Variants in PLEC observed in about 807,000 individuals in gnomAD.
PLEC encodes the protein hemidesmosomal protein 1.
In PLEC, 216 loss-of-function variants were observed where a neutral mutation model predicts 392.8. The ratio of observed to expected loss-of-function variants is 0.55; its 90% CI spans 0.49 to 0.62. PLEC has a LOEUF of 0.62. PLEC is among the 20% of genes least tolerant of loss of function. The pLI is 0.00. For missense variants in PLEC, 6,863 were observed against 6,563.4 expected, an observed-to-expected ratio of 1.05 and a Z score of -1.58; for synonymous variants, 3,621 against 2,980.6, an observed-to-expected ratio of 1.21 and a Z score of -7.00.
chr8:143,944,664 CG>C, intron 1 of PLEC: 1 of 1,340,700 alleles, frequency 7.5e-7, no homozygotes, highest in Non-Finnish European at 9.6e-7. Flanking sequence ...CGATCTTCAT[CG>C]GGGACGGTGG....
chr8:143,943,998 G>A (rs1831013941), upstream of PLEC: 2 of 1,516,316 alleles, frequency 1.3e-6, no homozygotes, highest in African/African-American at 1.4e-5. Context: ...GGAGCGCCGG[G>A]ACCGGAGCCT....
chr8:143,967,036 T>C (rs1554742464), intron 1 of PLEC, among the ~76,000 whole-genome samples: 5 of 151,754 alleles, frequency 3.3e-5, no homozygotes, highest in Non-Finnish European at 7.4e-5. Flanking sequence ...AAAAGACTGG[T>C]GAGTGTTAAA....
chr8:143,965,458 C>A (rs1833043811), intron 1 of PLEC, among the ~76,000 whole-genome samples: 1 of 101,112 alleles, frequency 9.9e-6, no homozygotes, highest in East Asian at 2.3e-4. Flanking sequence ...CCGGCCCATG[C>A]CCCATTTTGG....
Position 143,920,220 on chromosome 8 carries a change from G to A in PLEC, c.9601C>T (p.Pro3201Ser), listed in dbSNP as rs1554681065. ...TYGELQQRCR[P>S]DQLTGLSLLP... ...AGGCTCAGCCCGGTCAGCTGGTCGG[G>A]CCGGCACCGCTGCTGGAGCTCGCCG... The change falls in exon 32 of 32, where the codon CCC becomes TCC. Residue 3201 changes from proline to serine, a missense_variant. Physicochemically the swap from Pro to Ser is moderately conservative, Grantham distance 74 (BLOSUM62 -1). Transcript: ENST00000345136. The A allele has an allele frequency of 2.5e-6, 4 of 1,606,012 alleles. No homozygotes were observed. The highest frequency in any genetic ancestry group is 3.4e-6 in the Non-Finnish European group (4 of 1,179,194).
intron 1 of PLEC, among the ~76,000 whole-genome samples, chr8:143,968,254 A>G (rs1833217971): frequency 6.6e-6 from 1 of 152,132 alleles, no homozygotes; most frequent in African/African-American, 2.4e-5. Flanking sequence ...AAGATAGATA[A>G]ACTGGAGTCA....
chr8:143,922,291 C>T lies in PLEC; in HGVS notation c.7530G>A (p.Glu2510=), dbSNP rs1554689231. ...GCTGCTCCAGCTTGGCCTTCTCCTG[C>T]TCGATGAAGCGCTCCCGCTGTAGCA... ...DSLLQRERFI[E]QEKAKLEQLF... The change falls in exon 32 of 32, where the codon GAG becomes GAA. Residue 2510 remains glutamate, a synonymous_variant. Transcript: ENST00000345136. 1 of 1,607,012 alleles carries T rather than the reference C, an allele frequency of 6.2e-7. No individual in the cohort carries two copies. Among genetic ancestry groups the T allele is most frequent in the Non-Finnish European group, 8.5e-7 (1 of 1,179,536 alleles).
chr8:143,974,733 C>T (rs1833597717), upstream of PLEC, among the ~76,000 whole-genome samples: 1 of 152,244 alleles, frequency 6.6e-6, no homozygotes, highest in Admixed American at 6.5e-5. The surrounding 1 kb of genome is among the most constrained non-coding windows in gnomAD (Gnocchi z 5.9). Flanking sequence ...TGCTTCCCAT[C>T]GTTCTCCCTG....
chr8:143,921,346 G>C lies in PLEC; in HGVS notation c.8475C>G (p.Pro2825=), dbSNP rs374602421. 1.2e-6 allele frequency: 2 copies of C among 1,613,712 alleles called. No individual in the cohort carries two copies. Among genetic ancestry groups the C allele is most frequent in the South Asian group, 2.2e-5 (2 of 91,070 alleles). ...VIDPVHSHRV[P]VDVAYRRGYF... The stretch of plus-strand genomic sequence containing the variant: ...AGCCGCGCCGGTAGGCCACGTCCAC[G>C]GGCACGCGGTGGCTGTGCACGGGGT... Residue 2825 remains proline (P), a synonymous_variant, in exon 32 of 32, where the codon CCC becomes CCG. Transcript: ENST00000345136.
In PLEC at chr8:143,932,430, G is replaced by A. The variant is rs1287283415; in HGVS notation, c.1947C>T (p.Thr649=). ...EVGFDWSDRN[T]NMTAKKESYS... ...AGCTCTCCTTCTTGGCGGTCATGTT[G>A]GTGTTGCGGTCGCTCCAGTCGAAGC... The change falls in exon 16 of 32, where the codon ACC becomes ACT. Residue 649 remains threonine (T), a synonymous_variant. Coordinates refer to ENST00000345136, the MANE Select transcript of PLEC (RefSeq NM_201384.3). 4 of 1,612,756 alleles carry A rather than the reference G, an allele frequency of 2.5e-6. No homozygotes were observed. The South Asian group carries it at 3.3e-5, about 13-fold the overall frequency.
chr8:143,937,060 C>T lies in PLEC; in HGVS notation c.354G>A (p.Val118=). The T allele has an allele frequency of 1.2e-6, 2 of 1,612,932 alleles. No homozygotes were observed. The highest frequency in any genetic ancestry group is 1.7e-6 in the Non-Finnish European group (2 of 1,179,698). ...DYLRHRQVKL[V]NIRNDDIADG... Reference sequence around the variant, plus strand: ...CAGCGATGTCATCATTCCTGATGTTCACCAGCTTCACCTGTGAGCGAGGGG... The same window carrying T: ...CAGCGATGTCATCATTCCTGATGTTTACCAGCTTCACCTGTGAGCGAGGGG... The change falls in exon 5 of 32, where the codon GTG becomes GTA. Residue 118 remains valine (V), a synonymous_variant. Transcript: ENST00000345136.
At chr8:143,940,656 C>T (rs982465286), upstream of PLEC, among the ~76,000 whole-genome samples, 6 of 152,212 alleles carry the variant, frequency 3.9e-5, no homozygotes, top group East Asian at 1.9e-4. Context: ...ATGTTCCAGC[C>T]GCACATCAGG....
At position 143,922,445 on chromosome 8, in the gene PLEC, T is replaced by C. The variant is rs782647414; in HGVS notation, c.7426-50A>G. 4.4e-6 allele frequency: 7 copies of C among 1,600,666 alleles called. No homozygotes were observed. The Admixed American group carries it at 1.2e-4, about 27-fold the overall frequency. On this transcript the variant is annotated intron_variant, in intron 31 of 31. Coordinates refer to ENST00000345136, the MANE Select transcript of PLEC (RefSeq NM_201384.3). ...GGGACCGCCAGCCCAGGAGCACCCA[T>C]CACCCACCAAAGCAGATCCCCGGGC...
intron 1 of PLEC, among the ~76,000 whole-genome samples, chr8:143,964,602 G>A (rs1010314991): frequency 1.7e-4 from 26 of 152,144 alleles, no homozygotes; most frequent in African/African-American, 5.8e-4. Flanking sequence ...CTCCAGAACC[G>A]TAAGAGAATA....
chr8:143,957,214 G>A (rs1484896520), upstream of PLEC, among the ~76,000 whole-genome samples: 1 of 152,200 alleles, frequency 6.6e-6, no homozygotes, highest in South Asian at 2.1e-4. Context: ...CCCTGGTGAC[G>A]CAGCTCTGGA....
At chr8:143,976,072 C>T (rs112351330), upstream of PLEC, among the ~76,000 whole-genome samples, 1 of 151,610 alleles carries the variant, frequency 6.6e-6, no homozygotes, top group Non-Finnish European at 1.5e-5. Context: ...AGTCCCACCT[C>T]GATCTCCGCA....
intron 12 of PLEC, 140 bp downstream of exon 12, chr8:143,933,858 C>T: frequency 1.4e-6 from 1 of 710,108 alleles, no homozygotes; most frequent in African/African-American, 1.7e-5. Context: ...GGCCTGGATT[C>T]CCCACCACAT....
rs782108173 is a variant in PLEC, at chr8:143,925,018, C to G, written c.4911G>C (p.Lys1637Asn). Residue 1637 changes from lysine (K) to asparagine (N), a missense_variant, in exon 31 of 32, where the codon AAG becomes AAC. Lys to Asn is a moderately conservative substitution (Grantham distance 94, BLOSUM62 0). Transcript: ENST00000345136. The part of the protein sequence containing the change: ...AERELERWQL[K>N]ANEALRLRLQ... ...GCCGCAGCCGTAGCGCCTCGTTGGC[C>G]TTGAGCTGCCAGCGCTCCAGCTCCC... The G allele has an allele frequency of 1.9e-6, 3 of 1,570,188 alleles. No individual in the cohort carries two copies.
chr8:143,929,012 T>A (rs1826201225), intron 25 of PLEC, 91 bp downstream of exon 25: 3 of 1,209,886 alleles, frequency 2.5e-6, no homozygotes, highest in South Asian at 2.6e-5. Context: ...CCCCAACTCG[T>A]TCCCTCCTGC....
rs201042249 is a variant in PLEC at position 143,916,855 on chromosome 8, G to A, written c.12966C>T (p.Ile4322=). The A allele has an allele frequency of 1.6e-5, 26 of 1,612,676 alleles. No homozygotes were observed. Among genetic ancestry groups the A allele is most frequent in the African/African-American group, 9.3e-5 (7 of 74,892 alleles). Residue 4322 remains isoleucine, a synonymous_variant, in exon 32 of 32, where the codon ATC becomes ATT. Transcript: ENST00000345136. ...LEAQACTGGI[I]DPSTGERFPV... ...GGAAGCGCTCACCGGTGCTGGGGTCGATGATGCCCCCGGTGCAGGCCTGCG... is the reference window on the plus strand; with the variant it reads ...GGAAGCGCTCACCGGTGCTGGGGTCAATGATGCCCCCGGTGCAGGCCTGCG...
Sources: allele counts gnomAD v4.1 joint callset (sites outside exome capture counted in the v4.1 genomes callset), GRCh38; gene constraint gnomAD v4.1.1; non-coding constraint Gnocchi (gnomAD v3.1); transcripts MANE v1.5; gene names NCBI Gene and HGNC (gene_info 2026-07-23, HGNC 2026-07-21).